UGT1A8: variants seen among roughly 807,000 people sequenced by gnomAD.
The protein encoded by UGT1A8 is UDP glucuronosyltransferase family 1 member A8.
In UGT1A8, 39 loss-of-function variants were observed where a neutral mutation model predicts 45.3. That is an observed-to-expected ratio of 0.86 (90% confidence interval 0.67 to 1.12). UGT1A8 has a LOEUF of 1.12. UGT1A8 is among the 50% of genes most tolerant of loss of function. The pLI is 0.00. For missense variants in UGT1A8, 719 were observed against 664.9 expected (o/e 1.08, Z -0.90); for synonymous variants, 275 against 249.2 (o/e 1.10, Z -0.97).
intron 1 of UGT1A8, among the ~76,000 whole-genome samples, chr2:233,676,224 C>A (rs1366951476): frequency 6.6e-6 from 1 of 152,180 alleles, no homozygotes; most frequent in Non-Finnish European, 1.5e-5. Flanking sequence ...CCGATGGATT[C>A]ATCAGAAGCA....
At chr2:233,734,119 A>AATAATC (rs2125784278) in intron 1 of UGT1A8, among the ~76,000 whole-genome samples, 1 of 152,144 alleles carries the variant, frequency 6.6e-6, no homozygotes, top group Non-Finnish European at 1.5e-5. Context: ...TAATAATAAT[A>AATAATC]ATAAAAAGAA....
intron 1 of UGT1A8, among the ~76,000 whole-genome samples, chr2:233,664,210 A>G (rs2074031440): frequency 6.6e-6 from 1 of 152,112 alleles, no homozygotes; most frequent in Non-Finnish European, 1.5e-5. Context: ...TTCTATCAGT[A>G]TTTTGGTCAC....
intron 1 of UGT1A8, among the ~76,000 whole-genome samples, chr2:233,639,604 G>A (rs1337128577): frequency 2.0e-5 from 3 of 152,006 alleles, no homozygotes; most frequent in South Asian, 2.1e-4. Flanking sequence ...ACATGTATGT[G>A]TTTGTGTATG....
intron 1 of UGT1A8, among the ~76,000 whole-genome samples, chr2:233,653,097 A>C (rs942310473): frequency 1.3e-5 from 2 of 152,244 alleles, no homozygotes; most frequent in African/African-American, 4.8e-5. Flanking sequence ...AGGCAACCAC[A>C]GTCCCAAAAG....
intron 1 of UGT1A8, among the ~76,000 whole-genome samples, chr2:233,727,594 G>A (rs2077631064): frequency 6.6e-6 from 1 of 152,304 alleles, no homozygotes; most frequent in African/African-American, 2.4e-5. Flanking sequence ...GTTTTAAGGG[G>A]GTTGGAGGAA....
rs375082638 is a variant in UGT1A8 at position 233,764,736 on chromosome 2, G to A, written c.856-2298G>A. Among the ~76,000 whole-genome samples the A allele has an allele frequency of 2.0e-5, 3 of 152,156 alleles. 1 individual carries two copies. The East Asian group carries it at 5.8e-4, about 29-fold the overall frequency. On this transcript the variant is annotated intron_variant, in intron 1 of 4. Coordinates refer to ENST00000373450, the MANE Select transcript of UGT1A8 (RefSeq NM_019076.5). ...CCCAAGAAAGAGGGAGAGAAAGAGGGGAGAGATGTGGTGCAGACCCTAGGG... is the reference window on the plus strand; with the variant it reads ...CCCAAGAAAGAGGGAGAGAAAGAGGAGAGAGATGTGGTGCAGACCCTAGGG...
At chr2:233,682,261 A>G (rs781510118) in intron 1 of UGT1A8, 11 of 1,614,066 alleles carry the variant, frequency 6.8e-6, no homozygotes, top group Non-Finnish European at 8.5e-7. Flanking sequence ...CATTTTCTCT[A>G]TTAACAAGTT....
At chr2:233,663,624 A>C (rs188395916) in intron 1 of UGT1A8, among the ~76,000 whole-genome samples, 10 of 152,302 alleles carry the variant, frequency 6.6e-5, no homozygotes, top group Admixed American at 5.2e-4. Flanking sequence ...GGCTAATGCT[A>C]GTCCTACAAA....
intron 1 of UGT1A8, among the ~76,000 whole-genome samples, chr2:233,668,066 T>TA (rs1003185769): frequency 3.3e-5 from 5 of 151,808 alleles, no homozygotes; most frequent in African/African-American, 1.2e-4. Flanking sequence ...CACATTTTTT[T>TA]TTATTATACT....
intron 1 of UGT1A8, among the ~76,000 whole-genome samples, chr2:233,730,806 G>C (rs374048907): frequency 3.3e-5 from 5 of 152,118 alleles, no homozygotes; most frequent in South Asian, 2.1e-4. Flanking sequence ...ATGGACATGC[G>C]TCCAAGAAGG....
At chr2:233,689,095 T>C (rs1172782745) in intron 1 of UGT1A8, among the ~76,000 whole-genome samples, 1 of 152,184 alleles carries the variant, frequency 6.6e-6, no homozygotes, top group Non-Finnish European at 1.5e-5. Flanking sequence ...CCTGTGCCCC[T>C]CCCCACTGCT....
intron 1 of UGT1A8, among the ~76,000 whole-genome samples, chr2:233,654,095 T>C (rs748630934): frequency 2.0e-5 from 3 of 152,176 alleles, no homozygotes; most frequent in African/African-American, 4.8e-5. Context: ...GCCTTCAGTA[T>C]TGGAAATGAT....
intron 1 of UGT1A8, chr2:233,718,839 G>C: frequency 1.2e-6 from 2 of 1,613,658 alleles, no homozygotes; most frequent in Non-Finnish European, 1.7e-6. Context: ...AGGACTCCAG[G>C]TTCCCCTGCC....
intron 1 of UGT1A8, among the ~76,000 whole-genome samples, 196 bp from the exon 2 acceptor site, chr2:233,766,838 C>CCCTTCCTCCTTTAGAAG (rs1182719018): frequency 3.9e-5 from 6 of 152,156 alleles, no homozygotes; most frequent in African/African-American, 1.2e-4. Context: ...TAAGCAGGAA[C>CCCTTCCTCCTTTAGAAG]CCTTCCTCCT....
rs1243580572 is a variant in UGT1A8 at position 233,689,974 on chromosome 2, A to G, written c.855+71412A>G. ...TATTTCCATGCTTGGAGGAACCCAC[A>G]GGCCCCTAAAAGGGATTCTCACTTC... On this transcript the variant is annotated intron_variant, in intron 1 of 4. Coordinates refer to ENST00000373450, the MANE Select transcript of UGT1A8 (RefSeq NM_019076.5). 12 of 455,280 alleles carry G rather than the reference A, an allele frequency of 2.6e-5. No homozygotes were observed. The East Asian group carries it at 7.7e-4, about 29-fold the overall frequency. 28.2% of individuals were successfully genotyped at this position (455,280 alleles called of 1,614,324 possible). A position where few individuals can be genotyped will look rare whatever the true frequency, so the allele number is the denominator to read the frequency against.
chr2:233,630,911 G>C lies in UGT1A8; in HGVS notation c.855+12349G>C, dbSNP rs951609742. 4.0e-5 allele frequency among the ~76,000 whole-genome samples: 6 copies of C among 149,030 alleles called. No individual in the cohort carries two copies. In the East Asian group the frequency reaches 1.2e-3, roughly 29 times the overall value. ...GCAGGTTTGTTACATAGGTATACACGTGCCATGGTGGTTTGCTGCACCCAT... is the reference window on the plus strand; with the variant it reads ...GCAGGTTTGTTACATAGGTATACACCTGCCATGGTGGTTTGCTGCACCCAT... On this transcript the variant is annotated intron_variant, in intron 1 of 4. Transcript: ENST00000373450.
intron 1 of UGT1A8, among the ~76,000 whole-genome samples, chr2:233,725,195 G>A (rs2077386503): frequency 1.1e-5 from 1 of 94,936 alleles, no homozygotes; most frequent in Non-Finnish European, 1.9e-5. Flanking sequence ...CAGAGGCAGA[G>A]GCAGAGGCAG....
At chr2:233,699,179 A>C (rs1050199722) in intron 1 of UGT1A8, among the ~76,000 whole-genome samples, 1 of 151,668 alleles carries the variant, frequency 6.6e-6, no homozygotes, top group Non-Finnish European at 1.5e-5. Context: ...TCTGATCCTC[A>C]CTTCTTCTTC....
chr2:233,627,616 C>CCTTT (rs1559313998), intron 1 of UGT1A8, among the ~76,000 whole-genome samples: 5 of 137,982 alleles, frequency 3.6e-5, no homozygotes, highest in South Asian at 2.4e-4. Context: ...TCCCTTCCTT[C>CCTTT]CTTCCTTTCT....
Sources: allele counts gnomAD v4.1 joint callset (sites outside exome capture counted in the v4.1 genomes callset), GRCh38; gene constraint gnomAD v4.1.1; transcripts MANE v1.5; gene names NCBI Gene and HGNC (gene_info 2026-07-23, HGNC 2026-07-21).